MLLT10: variants seen among roughly 807,000 people sequenced by gnomAD.
The protein encoded by MLLT10 is protein AF-10.
MLLT10 carries 30 observed loss-of-function variants against 129.1 expected under a neutral mutation model. That is an observed-to-expected ratio of 0.23 (90% CI 0.17 to 0.32). The LOEUF (loss-of-function observed/expected upper bound fraction) is 0.32. Ranked by LOEUF, MLLT10 falls within the 10% of genes least tolerant of loss-of-function variation. The pLI is 1.00. For synonymous variants in MLLT10, 490 were observed against 446.4 expected (o/e 1.10, Z -1.23); for missense variants, 1,119 against 1,268.3 (o/e 0.88, Z 1.79).
chr10:21,718,830 T>C (rs1407394241), intron 14 of MLLT10, among the ~76,000 whole-genome samples: 2 of 152,194 alleles, frequency 1.3e-5, no homozygotes, highest in East Asian at 3.8e-4. Flanking sequence ...TTCAAGTGAT[T>C]CTCCTGCCTC....
intron 3 of MLLT10, among the ~76,000 whole-genome samples, chr10:21,558,647 A>G (rs2038390678): frequency 6.6e-6 from 1 of 151,956 alleles, no homozygotes; most frequent in Non-Finnish European, 1.5e-5. Flanking sequence ...TGGCCTCCCA[A>G]GGTGCTGGGA....
At chr10:21,650,953 G>T (rs1004399137) in intron 8 of MLLT10, among the ~76,000 whole-genome samples, 2 of 152,102 alleles carry the variant, frequency 1.3e-5, no homozygotes, top group African/African-American at 4.8e-5. Flanking sequence ...CATGGTAGAG[G>T]AAAATCTGGT....
At chr10:21,588,524 G>A (rs1274870167) in intron 4 of MLLT10, among the ~76,000 whole-genome samples, 1 of 151,792 alleles carries the variant, frequency 6.6e-6, no homozygotes, top group African/African-American at 2.4e-5. Flanking sequence ...TATATCTATA[G>A]GATTATTAAT....
intron 9 of MLLT10, among the ~76,000 whole-genome samples, chr10:21,653,489 A>AT (rs1164391508): frequency 1.3e-5 from 2 of 151,294 alleles, no homozygotes; most frequent in East Asian, 1.9e-4. Context: ...TACACTTGGA[A>AT]TTTTTTTTTG....
At chr10:21,584,798 ATGTG>A (rs1042116437) in intron 3 of MLLT10, among the ~76,000 whole-genome samples, 1 of 151,460 alleles carries the variant, frequency 6.6e-6, no homozygotes, top group African/African-American at 2.4e-5. Flanking sequence ...TATATATATA[ATGTG>A]TGTGTTTATA....
intron 21 of MLLT10, among the ~76,000 whole-genome samples, chr10:21,736,108 A>G (rs2058342410): frequency 6.6e-6 from 1 of 152,156 alleles, no homozygotes; most frequent in South Asian, 2.1e-4. Flanking sequence ...ATAGTGAAAT[A>G]ATGATTTACA....
At chr10:21,723,525 T>C (rs2057279202) in intron 14 of MLLT10, among the ~76,000 whole-genome samples, 1 of 152,210 alleles carries the variant, frequency 6.6e-6, no homozygotes, top group Admixed American at 6.5e-5. Flanking sequence ...GCTGGGAGTG[T>C]TTCCTTGCTT....
chr10:21,621,370 G>A (rs1030883348), intron 8 of MLLT10, among the ~76,000 whole-genome samples: 1 of 150,434 alleles, frequency 6.6e-6, no homozygotes, highest in African/African-American at 2.5e-5. Flanking sequence ...TCAGCCTCCC[G>A]AGTAGCTAGG....
intron 5 of MLLT10, among the ~76,000 whole-genome samples, chr10:21,609,863 A>T (rs1243543511): frequency 6.6e-6 from 1 of 152,006 alleles, no homozygotes; most frequent in Non-Finnish European, 1.5e-5. Flanking sequence ...TGCAGAGTAC[A>T]GTGTGATGTT....
At chr10:21,619,035 C>T (rs1006083171) in intron 8 of MLLT10, among the ~76,000 whole-genome samples, 68 of 103,110 alleles carry the variant, frequency 6.6e-4, no homozygotes, top group African/African-American at 2.7e-3. Flanking sequence ...GACATACACA[C>T]ACACACACAC....
intron 9 of MLLT10, among the ~76,000 whole-genome samples, chr10:21,658,503 T>C (rs993203308): frequency 1.3e-5 from 2 of 152,242 alleles, no homozygotes; most frequent in Admixed American, 6.5e-5. Context: ...CATTCAACAA[T>C]TGATGGACAT....
At position 21,733,817 on chromosome 10, in the gene MLLT10, C is replaced by T; in HGVS notation, c.2546C>T (p.Thr849Ile). The T allele has an allele frequency of 6.2e-7, 1 of 1,614,088 alleles. No homozygotes were observed. The highest frequency in any genetic ancestry group is 8.5e-7 in the Non-Finnish European group (1 of 1,180,002). Reference sequence around the variant, plus strand: ...ACCAGCAGCTCATCAGCTCTTTCTACCCCACCTCCTGCTGGGCAGAGTCCG... The same window carrying T: ...ACCAGCAGCTCATCAGCTCTTTCTATCCCACCTCCTGCTGGGCAGAGTCCG... ...QSTSSSSALS[T>I]PPPAGQSPAQ... is the part of the protein sequence containing the mutation. Residue 849 changes from threonine (T) to isoleucine (I), a missense_variant, in exon 20 of 23, where the codon ACC becomes ATC. Around this residue, in one of 5 missense-constraint regions of MLLT10, gnomAD observed 1,004 missense variants for 1,008.7 expected, o/e 1.00. Coordinates refer to ENST00000307729, the MANE Select transcript of MLLT10 (RefSeq NM_001195626.3).
chr10:21,603,213 C>T (rs1322528957), intron 5 of MLLT10, among the ~76,000 whole-genome samples: 3 of 149,482 alleles, frequency 2.0e-5, no homozygotes, highest in South Asian at 2.1e-4. Flanking sequence ...CCACCGTGCT[C>T]GGCTAATTTT....
chr10:21,569,725 C>G (rs1270668934), intron 3 of MLLT10, among the ~76,000 whole-genome samples: 2 of 150,498 alleles, frequency 1.3e-5, no homozygotes, highest in Non-Finnish European at 3.0e-5. Flanking sequence ...CCGGCCCACC[C>G]AGTTAATTTT....
At position 21,681,341 on chromosome 10, in the gene MLLT10, T is replaced by C. The variant is rs1484809660; in HGVS notation, c.1631T>C (p.Met544Thr). 1.2e-6 allele frequency: 2 copies of C among 1,612,758 alleles called. No homozygotes were observed. Among genetic ancestry groups the C allele is most frequent in the East Asian group, 2.2e-5 (1 of 44,752 alleles). ...TCCTTCCTCTCAACAGAAATTTCCA[T>C]GCAGTATCGGCATGATGGAGCTTGC... ...GSSPVGSEIS[M>T]QYRHDGACPT... The change falls in exon 12 of 23, where the codon ATG becomes ACG. Residue 544 changes from methionine to threonine, a missense_variant. Physicochemically the swap from Met to Thr is moderately conservative, Grantham distance 81. Transcript: ENST00000307729.
intron 5 of MLLT10, among the ~76,000 whole-genome samples, chr10:21,606,167 G>T (rs2044042360): frequency 6.6e-6 from 1 of 152,132 alleles, no homozygotes. Flanking sequence ...GTACCAGCTG[G>T]CTGTTCCCTC....
intron 3 of MLLT10, among the ~76,000 whole-genome samples, chr10:21,561,356 G>A (rs1004883324): frequency 6.6e-6 from 1 of 152,062 alleles, no homozygotes; most frequent in African/African-American, 2.4e-5. Context: ...TGCCTCCTGG[G>A]TTCAAGCGAT....
At chr10:21,714,397 C>T (rs973049727) in intron 14 of MLLT10, among the ~76,000 whole-genome samples, 1 of 152,202 alleles carries the variant, frequency 6.6e-6, no homozygotes, top group Non-Finnish European at 1.5e-5. Context: ...ATGACCGCTT[C>T]AAGCACTACA....
chr10:21,568,939 C>G (rs986469175), intron 3 of MLLT10, among the ~76,000 whole-genome samples: 5 of 152,166 alleles, frequency 3.3e-5, no homozygotes, highest in African/African-American at 1.2e-4. Context: ...CTGGCCCCCA[C>G]TGGTTATTTT....
Sources: allele counts gnomAD v4.1 joint callset (sites outside exome capture counted in the v4.1 genomes callset), GRCh38; gene constraint gnomAD v4.1.1; regional missense constraint gnomAD v4.1.1; transcripts MANE v1.5; gene names NCBI Gene and HGNC (gene_info 2026-07-23, HGNC 2026-07-21).